Variants in RIF1 observed in about 807,000 individuals in gnomAD.
RIF1 encodes the protein telomere-associated protein RIF1.
Under a neutral mutation model 247.1 loss-of-function variants are expected in RIF1, and 45 were observed. The observed-to-expected ratio is 0.18, with a 90% confidence interval of 0.14 to 0.23. The LOEUF (loss-of-function observed/expected upper bound fraction) is 0.23, where lower values mean the gene tolerates loss of function less well. RIF1 is among the 10% of genes least tolerant of loss of function. The pLI is 1.00. For synonymous variants in RIF1, 1,087 were observed against 978.8 expected, an observed-to-expected ratio of 1.11 and a Z score of -2.06; for missense variants, 2,967 against 2,862.5, an observed-to-expected ratio of 1.04 and a Z score of -0.83.
chr2:151,528,162 G>T, the RIF1 span, among the ~76,000 whole-genome samples: 12 of 152,152 alleles, frequency 7.9e-5, no homozygotes, highest in African/African-American at 2.9e-4. Context: ...GCTGCAGAGG[G>T]GCTTGCATGC....
At chr2:151,519,872 A>C in the RIF1 span, 1 of 721,642 alleles carries the variant, frequency 1.4e-6, no homozygotes, top group South Asian at 1.6e-5. Context: ...TTGTACATAG[A>C]GTGATCATAT....
Position 151,463,668 on chromosome 2 carries a change from A to T in RIF1, c.4148A>T (p.Glu1383Val). The T allele has an allele frequency of 6.2e-7, 1 of 1,613,968 alleles. No individual in the cohort carries two copies. Among genetic ancestry groups the T allele is most frequent in the South Asian group, 1.1e-5 (1 of 91,080 alleles). ...VEEKNVEINL[E>V]SKENTPPVVI... ...GAGAAAAATGTAGAAATTAATTTGG[A>T]ATCCAAAGAGAATACACCCCCAGTA... The change falls in exon 30 of 36, where the codon GAA becomes GTA. Residue 1383 changes from glutamate to valine, a missense_variant. Around this residue, in one of 7 missense-constraint regions of RIF1, gnomAD observed 2,028 missense variants for 1,825.6 expected, o/e 1.11. Transcript: ENST00000444746.
the RIF1 span, among the ~76,000 whole-genome samples, chr2:151,526,628 C>T: frequency 6.6e-6 from 1 of 152,252 alleles, no homozygotes; most frequent in South Asian, 2.1e-4. Context: ...CAAATCATGG[C>T]GTTTCCATAA....
rs867466866 is a variant in RIF1, at chr2:151,494,112, A to G, written c.*416-1117A>G. The G allele has an allele frequency of 1.0e-5, 15 of 1,479,444 alleles. 2 individuals are homozygous for G. In the African/African-American group the frequency reaches 1.3e-4, roughly 12 times the overall value. 91.6% of individuals were successfully genotyped at this position (1,479,444 alleles called of 1,614,324 possible). A position where few individuals can be genotyped will look rare whatever the true frequency, so the allele number is the denominator to read the frequency against. On this transcript the variant is annotated intron_variant and NMD_transcript_variant, in intron 9 of 13. Transcript: ENST00000454583. ...CAGGGTTAGGAGCAGGCCAAACTGC[A>G]AGAGTTATTTTGCAAAATTAAAAGC...
In RIF1 at chr2:151,435,458, C is replaced by G. The variant is rs770654994; in HGVS notation, c.1078-5C>G. Reference sequence around the variant, plus strand: ...TATAGATCGATGTTTTCTTTTACCCCATAGGTTTGTGTGCCTCTGATTCAA... The same window carrying G: ...TATAGATCGATGTTTTCTTTTACCCGATAGGTTTGTGTGCCTCTGATTCAA... On this transcript the variant is annotated splice_region_variant and splice_polypyrimidine_tract_variant and intron_variant, in intron 10 of 35. Transcript: ENST00000444746. 9.7e-6 allele frequency: 15 copies of G among 1,539,466 alleles called. No individual in the cohort carries two copies. Among genetic ancestry groups the G allele is most frequent in the Non-Finnish European group, 1.3e-5 (15 of 1,112,544 alleles).
Position 151,478,319 on chromosome 2 carries a change from C to G in RIF1, c.*3248C>G, listed in dbSNP as rs1354781963. On this transcript the variant is annotated 3_prime_UTR_variant, in exon 36 of 36. Coordinates refer to ENST00000444746, the MANE Select transcript of RIF1 (RefSeq NM_018151.5). Reference sequence around the variant, plus strand: ...TGAACAATGTGGCGAAATCCTGTCTCTACTAAAAATACAAAAACCAGCCAG... The same window carrying G: ...TGAACAATGTGGCGAAATCCTGTCTGTACTAAAAATACAAAAACCAGCCAG... The G allele has an allele frequency of 1.3e-5, 2 of 152,108 alleles. No homozygotes were observed. Among genetic ancestry groups the G allele is most frequent in the Non-Finnish European group, 2.9e-5 (2 of 68,036 alleles). The allele number at this position is 152,108 out of a possible 1,614,324, so 9.4% of individuals were successfully genotyped here.
chr2:151,486,747 A>G (rs1459830659), downstream of RIF1: 4 of 152,268 alleles, frequency 2.6e-5, no homozygotes, highest in Non-Finnish European at 4.4e-5. Flanking sequence ...AAAGGACGCC[A>G]TGCACCAAGG....
At chr2:151,512,019 CTTTTTTTTTTTTT>C (rs71403173), downstream of RIF1, among the ~76,000 whole-genome samples, 9 of 93,568 alleles carry the variant, frequency 9.6e-5, no homozygotes, top group South Asian at 7.3e-4. Context: ...CCCTCTCACT[CTTTTTTTTTTTTT>C]TTTTTTTTTT....
At chr2:151,517,150 A>G in the RIF1 span, among the ~76,000 whole-genome samples, 1 of 152,208 alleles carries the variant, frequency 6.6e-6, no homozygotes, top group Non-Finnish European at 1.5e-5. Context: ...TTGTTAAAAA[A>G]CCTGACAGTC....
At chr2:151,474,489 G>C (rs1166197285) in intron 35 of RIF1, among the ~76,000 whole-genome samples, 1 of 152,114 alleles carries the variant, frequency 6.6e-6, no homozygotes, top group Non-Finnish European at 1.5e-5. Context: ...GACCACTCTG[G>C]GCAACATGAA....
chr2:151,523,792 A>C, the RIF1 span, among the ~76,000 whole-genome samples: 432 of 152,352 alleles, frequency 2.8e-3, 5 homozygotes, highest in African/African-American at 9.5e-3. Context: ...ACACTTGCCA[A>C]ACAAAATTTT....
Position 151,478,091 on chromosome 2 carries a change from G to GTA in RIF1, c.*3020_*3021insTA, listed in dbSNP as rs2049015754. The stretch of plus-strand genomic sequence containing the variant: ...ATATTTCAGTGACCTCATTGTTAAA[G>GTA]CTGCTTTGCCACTTGTACAAGTTTG... On this transcript the variant is annotated 3_prime_UTR_variant, in exon 36 of 36. Coordinates refer to ENST00000444746, the MANE Select transcript of RIF1 (RefSeq NM_018151.5). 1.2e-4 allele frequency: 18 copies of GTA among 152,214 alleles called. No homozygotes were observed. The highest frequency in any genetic ancestry group is 1.2e-3 in the Admixed American group (18 of 15,274). The allele number at this position is 152,214 out of a possible 1,614,324, so 9.4% of individuals were successfully genotyped here.
downstream of RIF1, chr2:151,508,038 C>G (rs765789028): frequency 1.2e-6 from 2 of 1,610,698 alleles, no homozygotes; most frequent in Non-Finnish European, 1.7e-6. Flanking sequence ...CCCGGACTCT[C>G]TGTATCTCTG....
intron 9 of RIF1, chr2:151,494,357 A>C: frequency 1.3e-6 from 1 of 766,202 alleles, no homozygotes; most frequent in Non-Finnish European, 2.2e-6. Flanking sequence ...AGGGCCCCAA[A>C]CCATTTGGGC....
chr2:151,456,106 A>G (rs1329446191), intron 22 of RIF1, among the ~76,000 whole-genome samples: 1 of 152,216 alleles, frequency 6.6e-6, no homozygotes, highest in South Asian at 2.1e-4. Context: ...AAAAAGCCTC[A>G]GTAACAAACT....
At chr2:151,491,994 A>G in intron 9 of RIF1, 2 of 1,255,264 alleles carry the variant, frequency 1.6e-6, no homozygotes. Context: ...CTAGAAAAAC[A>G]GATTGAAGTC....
intron 15 of RIF1, among the ~76,000 whole-genome samples, chr2:151,440,424 T>C (rs895840074): frequency 2.6e-5 from 4 of 152,304 alleles, no homozygotes; most frequent in African/African-American, 9.6e-5. Flanking sequence ...AACTCAGATG[T>C]CCTTTAATTT....
chr2:151,473,001 T>C (rs1246794325), intron 34 of RIF1, among the ~76,000 whole-genome samples: 1 of 152,172 alleles, frequency 6.6e-6, no homozygotes, highest in Non-Finnish European at 1.5e-5. Flanking sequence ...CATCTGGTCC[T>C]GGACTTTTTT....
chr2:151,411,183 G>T (rs1453756162), intron 2 of RIF1, 77 bp from the exon 3 acceptor site: 2 of 891,482 alleles, frequency 2.2e-6, no homozygotes, highest in East Asian at 4.8e-5. Flanking sequence ...TTTTTAAAAA[G>T]ATTGTACATG....
Sources: allele counts gnomAD v4.1 joint callset (sites outside exome capture counted in the v4.1 genomes callset), GRCh38; gene constraint gnomAD v4.1.1; regional missense constraint gnomAD v4.1.1; transcripts MANE v1.5; gene names NCBI Gene and HGNC (gene_info 2026-07-23, HGNC 2026-07-21).